SPARCL1: variants seen among roughly 807,000 people sequenced by gnomAD.
SPARCL1 encodes SPARC-like protein 1.
Under a neutral mutation model 67.1 loss-of-function variants are expected in SPARCL1, and 52 were observed. The observed-to-expected ratio is 0.78, with a 90% CI of 0.62 to 0.98. SPARCL1 has a LOEUF of 0.98. SPARCL1 is among the 50% of genes least tolerant of loss of function. SPARCL1 has a pLI of 0.00. For synonymous variants in SPARCL1, 226 were observed against 267.8 expected (o/e 0.84, Z 1.52); for missense variants, 717 against 782.4 (o/e 0.92, Z 1.00).
chr4:87,494,682 TC>T, intron 3 of SPARCL1, 84 bp from the exon 4 acceptor site: 1 of 1,110,898 alleles, frequency 9.0e-7, no homozygotes, highest in Non-Finnish European at 1.3e-6. Flanking sequence ...TATTCATTAT[TC>T]TTTTTCTTCA....
chr4:87,499,614 G>T lies in SPARCL1; in HGVS notation c.-11-29C>A, dbSNP rs764012570. 3.3e-6 allele frequency: 5 copies of T among 1,533,980 alleles called. No individual in the cohort carries two copies. In the African/African-American group the frequency reaches 5.6e-5, roughly 17 times the overall value. On this transcript the variant is annotated intron_variant, in intron 1 of 10. Transcript: ENST00000282470. ...TGAACCAAGAAGATAATTATCAGTG[G>T]CAGGGAAAAGTTTCCTCATGAAAAA...
chr4:87,483,641 A>G (rs899697907), intron 7 of SPARCL1, among the ~76,000 whole-genome samples: 1 of 152,208 alleles, frequency 6.6e-6, no homozygotes, highest in Non-Finnish European at 1.5e-5. Context: ...TTGTAGTTCT[A>G]GATCCTTGAG....
chr4:87,526,399 C>T (rs17012809), intron 1 of SPARCL1, among the ~76,000 whole-genome samples: 3,737 of 152,264 alleles, frequency 0.025, 71 homozygotes, highest in South Asian at 0.046. Context: ...CACTGATATA[C>T]GAGATTCCTT....
intron 1 of SPARCL1, among the ~76,000 whole-genome samples, chr4:87,500,357 A>G (rs1038807139): frequency 2.0e-5 from 3 of 152,176 alleles, no homozygotes; most frequent in Non-Finnish European, 4.4e-5. Flanking sequence ...TAGAAACGAG[A>G]CAAGTGAGGC....
At chr4:87,473,903 G>A (rs1455207284) in intron 10 of SPARCL1, 100 bp from the exon 11 acceptor site, 1 of 786,186 alleles carries the variant, frequency 1.3e-6, no homozygotes, top group Non-Finnish European at 2.1e-6. Flanking sequence ...CATCTAATAA[G>A]GCAGTATAAT....
chr4:87,524,036 C>A (rs1433763359), intron 1 of SPARCL1, among the ~76,000 whole-genome samples: 1 of 152,196 alleles, frequency 6.6e-6, no homozygotes, highest in Non-Finnish European at 1.5e-5. Context: ...TGGGATAGAA[C>A]ACTGAATACA....
At chr4:87,479,667 T>C in intron 9 of SPARCL1, 89 bp from the exon 10 acceptor site, 2 of 1,296,568 alleles carry the variant, frequency 1.5e-6, no homozygotes, top group South Asian at 1.3e-5. Context: ...TTTTCTCCCA[T>C]AAGGTTGCTG....
intron 1 of SPARCL1, among the ~76,000 whole-genome samples, chr4:87,524,196 T>A (rs1213654585): frequency 2.1e-4 from 32 of 152,232 alleles, no homozygotes; most frequent in Admixed American, 2.1e-3. Context: ...TTAATCAAGA[T>A]GAGATGAGTC....
At chr4:87,490,545 A>G (rs867552667) in intron 6 of SPARCL1, 152 bp from the exon 7 acceptor site, 1 of 993,734 alleles carries the variant, frequency 1.0e-6, no homozygotes. Context: ...TCCATTTGGC[A>G]TCAAAAAAAT....
chr4:87,509,106 A>T (rs1725241715), intron 1 of SPARCL1, among the ~76,000 whole-genome samples: 1 of 149,600 alleles, frequency 6.7e-6, no homozygotes, highest in South Asian at 2.1e-4. Flanking sequence ...TATTTATATA[A>T]AATCATATAG....
chr4:87,503,685 T>TTC (rs1156598756), intron 1 of SPARCL1, among the ~76,000 whole-genome samples: 2 of 147,380 alleles, frequency 1.4e-5, no homozygotes, highest in African/African-American at 4.9e-5. Context: ...TTTTTTTCCT[T>TTC]TTTTTTTTTT....
chr4:87,513,810 C>T (rs1725473023), intron 1 of SPARCL1, among the ~76,000 whole-genome samples: 1 of 152,218 alleles, frequency 6.6e-6, no homozygotes, highest in Admixed American at 6.5e-5. Context: ...TTAGTTCACT[C>T]ATTAAACACA....
At chr4:87,524,025 A>C (rs1177560189) in intron 1 of SPARCL1, among the ~76,000 whole-genome samples, 1 of 152,222 alleles carries the variant, frequency 6.6e-6, no homozygotes, top group African/African-American at 2.4e-5. Flanking sequence ...GGAATTTTGC[A>C]TGGGATAGAA....
chr4:87,529,142 G>C lies in SPARCL1; in HGVS notation c.-109C>G, dbSNP rs1726170870. The C allele has an allele frequency of 6.6e-6, 1 of 152,192 alleles. No individual in the cohort carries two copies. Among genetic ancestry groups the C allele is most frequent in the Non-Finnish European group, 1.5e-5 (1 of 68,030 alleles). The allele number at this position is 152,192 out of a possible 1,614,324, so 9.4% of individuals were successfully genotyped here. A position where few individuals can be genotyped will look rare whatever the true frequency, so the allele number is the denominator to read the frequency against. On this transcript the variant is annotated 5_prime_UTR_variant, in exon 1 of 11. Coordinates refer to ENST00000282470, the MANE Select transcript of SPARCL1 (RefSeq NM_004684.6). ...GAATAAAAGTTTGACAAACACCCAA[G>C]AAAAACTCTTTAAATCCCTTTCCTC...
chr4:87,492,430 A>G (rs1453462184), intron 4 of SPARCL1, among the ~76,000 whole-genome samples: 1 of 152,060 alleles, frequency 6.6e-6, no homozygotes. Context: ...AAAAAAAAAA[A>G]AAAGAAAAAA....
intron 4 of SPARCL1, among the ~76,000 whole-genome samples, chr4:87,491,953 CCCA>C (rs1415778076): frequency 0.014 from 630 of 44,208 alleles, 9 homozygotes; most frequent in African/African-American, 0.039. Context: ...CACCCCCCCC[CCCA>C]AAAAAAAAAA....
In SPARCL1 at chr4:87,499,466, T is replaced by C. The variant is rs1724757378; in HGVS notation, c.54+55A>G. On this transcript the variant is annotated intron_variant, in intron 2 of 10. Coordinates refer to ENST00000282470, the MANE Select transcript of SPARCL1 (RefSeq NM_004684.6). ...GAACATTTTCTTTTAAATGGAGGAT[T>C]TCTGCATTAAATGTCAGGAGAAAGA... is the stretch of plus-strand genomic sequence containing the variant. 7.4e-6 allele frequency: 10 copies of C among 1,359,182 alleles called. No homozygotes were observed. The South Asian group carries it at 1.2e-4, about 17-fold the overall frequency. 84.2% of individuals were successfully genotyped at this position (1,359,182 alleles called of 1,614,324 possible).
intron 1 of SPARCL1, among the ~76,000 whole-genome samples, chr4:87,525,186 C>A (rs1349545963): frequency 6.6e-6 from 1 of 151,792 alleles, no homozygotes; most frequent in Non-Finnish European, 1.5e-5. Context: ...ATACAATGAT[C>A]TTATGAATTA....
Position 87,499,550 on chromosome 4 carries a change from A to G in SPARCL1, c.25T>C (p.Cys9Arg). 1 of 1,593,878 alleles carries G rather than the reference A, an allele frequency of 6.3e-7. No homozygotes were observed. Among genetic ancestry groups the G allele is most frequent in the Non-Finnish European group, 8.5e-7 (1 of 1,175,394 alleles). ...ATTGCAGCTGCAGTTCCCAAGAGAC[A>G]TAGGAAAAAAAGCCCAGTCTTCATG... is the stretch of plus-strand genomic sequence containing the variant. MKTGLFFL[C>R]LLGTAAAIPT... Residue 9 changes from cysteine to arginine, a missense_variant, in exon 2 of 11, where the codon TGT becomes CGT. Coordinates refer to ENST00000282470, the MANE Select transcript of SPARCL1 (RefSeq NM_004684.6).
Sources: allele counts gnomAD v4.1 joint callset (sites outside exome capture counted in the v4.1 genomes callset), GRCh38; gene constraint gnomAD v4.1.1; transcripts MANE v1.5; gene names NCBI Gene and HGNC (gene_info 2026-07-23, HGNC 2026-07-21).